ZNF611: variants seen among roughly 807,000 people sequenced by gnomAD.
ZNF611 encodes the protein zinc finger protein 611.
Under a neutral mutation model 8.9 loss-of-function variants are expected in ZNF611, and 6 were observed. The ratio of observed to expected loss-of-function variants is 0.68; its 90% CI spans 0.37 to 1.34. The LOEUF is 1.34. Among genes scored for constraint, ZNF611 ranks in the 40% most tolerant of loss-of-function variants. The probability of loss-of-function intolerance (pLI) is 0.02; values close to 1 mark genes in which losing one functional copy is unlikely to be tolerated. For synonymous variants in ZNF611, 262 were observed against 279.7 expected, an observed-to-expected ratio of 0.94 and a Z score of 0.63; for missense variants, 874 against 841.3, an observed-to-expected ratio of 1.04 and a Z score of -0.48.
At position 52,727,396 on chromosome 19, in the gene ZNF611, CAT is replaced by C. The variant is rs368291935; in HGVS notation, c.-20+1332_-20+1333del. ...CTGTTACTATACAACCCATTTAGTACATGTTTTCAAGATAAACACTAATCAGT... is the reference window on the plus strand; with the variant it reads ...CTGTTACTATACAACCCATTTAGTACGTTTTCAAGATAAACACTAATCAGT... On this transcript the variant is annotated intron_variant, in intron 3 of 5. Coordinates refer to ENST00000652185, the MANE Select transcript of ZNF611 (RefSeq NM_001161499.2). Among the ~76,000 whole-genome samples the C allele has an allele frequency of 1.7e-3, 266 of 152,244 alleles. 1 individual carries two copies. Among genetic ancestry groups the C allele is most frequent in the African/African-American group, 6.2e-3 (258 of 41,534 alleles).
rs1281277949 is a variant in ZNF611 at position 52,702,957 on chromosome 19, A to AC, written c.*1979_*1980insG. 6.6e-6 allele frequency: 1 copy of AC among 152,212 alleles called. No individual in the cohort carries two copies. Among genetic ancestry groups the AC allele is most frequent in the Non-Finnish European group, 1.5e-5 (1 of 68,042 alleles). The allele number at this position is 152,212 out of a possible 1,614,324, so 9.4% of individuals were successfully genotyped here. The stretch of plus-strand genomic sequence containing the variant: ...GCATGCAGACATTGATATGAACTGG[A>AC]TGCAACTAATTTAAAACAGCAACTA... On this transcript the variant is annotated 3_prime_UTR_variant, in exon 6 of 6. Coordinates refer to ENST00000652185, the MANE Select transcript of ZNF611 (RefSeq NM_001161499.2).
chr19:52,705,654 T>G lies in ZNF611; in HGVS notation c.1401A>C (p.Ser467=), dbSNP rs1366949787. 1.4e-5 allele frequency: 22 copies of G among 1,613,108 alleles called. No homozygotes were observed. The highest frequency in any genetic ancestry group is 1.7e-5 in the Non-Finnish European group (20 of 1,179,714). Residue 467 remains serine, a synonymous_variant, in exon 6 of 6, where the codon TCA becomes TCC. Coordinates refer to ENST00000652185, the MANE Select transcript of ZNF611 (RefSeq NM_001161499.2). ...CAATTCTAGTATGTTTTGCCAGTTG[T>G]GAACTCCACACAAAAGCCTTGTCAC... is the stretch of plus-strand genomic sequence containing the variant. ...KVCDKAFVWS[S]QLAKHTRIDC...
chr19:52,733,971 C>G (rs910365266), intron 1 of ZNF611, among the ~76,000 whole-genome samples: 17 of 151,234 alleles, frequency 1.1e-4, no homozygotes, highest in South Asian at 4.2e-4. Flanking sequence ...CAGATCCCAG[C>G]TGTCCTCTCT....
intron 3 of ZNF611, among the ~76,000 whole-genome samples, chr19:52,726,395 G>A (rs573884114): frequency 2.0e-4 from 31 of 152,168 alleles, no homozygotes; most frequent in Middle Eastern, 3.4e-3. Flanking sequence ...TCTCTCTCGC[G>A]CGCTCTTTTT....
intron 5 of ZNF611, among the ~76,000 whole-genome samples, chr19:52,707,214 T>A (rs760870629): frequency 2.0e-5 from 3 of 150,364 alleles, no homozygotes; most frequent in Non-Finnish European, 2.9e-5. Context: ...TATATACTCT[T>A]CATATTTAAA....
chr19:52,712,526 CTACTT>C (rs1377229706), intron 5 of ZNF611, among the ~76,000 whole-genome samples: 1 of 144,568 alleles, frequency 6.9e-6, no homozygotes, highest in Non-Finnish European at 1.5e-5. Flanking sequence ...ATGACCCCAG[CTACTT>C]AGGAGGCTGA....
At chr19:52,716,696 A>G (rs1346324140) in intron 3 of ZNF611, among the ~76,000 whole-genome samples, 2 of 152,156 alleles carry the variant, frequency 1.3e-5, no homozygotes, top group Non-Finnish European at 1.5e-5. Context: ...CCTTCTATTC[A>G]AAGTCATCCC....
chr19:52,705,839 C>A lies in ZNF611; in HGVS notation c.1216G>T (p.Ala406Ser). The A allele has an allele frequency of 1.9e-6, 3 of 1,613,902 alleles. No homozygotes were observed. The highest frequency in any genetic ancestry group is 2.5e-6 in the Non-Finnish European group (3 of 1,179,970). Residue 406 changes from alanine to serine, a missense_variant, in exon 6 of 6, where the codon GCT becomes TCT. Transcript: ENST00000652185. Reference protein sequence around the residue: ...KPYRCKVCDTAFTWHSQLARH... With the variant: ...KPYRCKVCDTSFTWHSQLARH... ...GCCAGCTGTGAATGCCACGTGAAAG[C>A]TGTGTCACAAACCTTACATCTGTAT...
At chr19:52,722,587 T>C (rs188754809) in intron 3 of ZNF611, among the ~76,000 whole-genome samples, 2 of 152,286 alleles carry the variant, frequency 1.3e-5, no homozygotes, top group South Asian at 2.1e-4. Context: ...ATTTATAGAA[T>C]GTACATGACT....
At position 52,715,826 on chromosome 19, in the gene ZNF611, C is replaced by T. The variant is rs1376714533; in HGVS notation, c.63+6G>A. The T allele has an allele frequency of 1.2e-6, 2 of 1,611,334 alleles. No homozygotes were observed. The highest frequency in any genetic ancestry group is 2.7e-5 in the African/African-American group (2 of 74,938). The stretch of plus-strand genomic sequence containing the variant: ...CAGATTAATCCACAGAGGAATATCA[C>T]TTCACCTGAGGAAGAGCCATGCCTG... On this transcript the variant is annotated splice_donor_region_variant and intron_variant, in intron 4 of 5. Coordinates refer to ENST00000652185, the MANE Select transcript of ZNF611 (RefSeq NM_001161499.2).
At position 52,722,339 on chromosome 19, in the gene ZNF611, G is replaced by A. The variant is rs565812650; in HGVS notation, c.-20+6391C>T. Among the ~76,000 whole-genome samples, 45 of 152,238 alleles carry A rather than the reference G, an allele frequency of 3.0e-4. 1 individual carries two copies. The East Asian group carries it at 6.9e-3, about 23-fold the overall frequency. On this transcript the variant is annotated intron_variant, in intron 3 of 5. Coordinates refer to ENST00000652185, the MANE Select transcript of ZNF611 (RefSeq NM_001161499.2). ...CGAGGCTGCAGTTAGAGTAGATAAC[G>A]CCATTGTACTCCAGCCTGGGCAATA...
intron 1 of ZNF611, among the ~76,000 whole-genome samples, chr19:52,733,505 T>A (rs2062438097): frequency 6.6e-6 from 1 of 151,582 alleles, no homozygotes; most frequent in South Asian, 2.1e-4. Context: ...TCTCACTATG[T>A]TGCCCAAGCT....
At chr19:52,708,402 G>A (rs10425042) in intron 5 of ZNF611, 60,706 of 152,084 alleles carry the variant, frequency 0.4, 12,283 homozygotes, top group African/African-American at 0.45. Context: ...GGAAGCTGAG[G>A]CAGGAGAATG....
At chr19:52,733,550 C>T (rs947035329) in intron 1 of ZNF611, among the ~76,000 whole-genome samples, 1 of 133,690 alleles carries the variant, frequency 7.5e-6, no homozygotes, top group African/African-American at 2.9e-5. Context: ...AATCCCCTTG[C>T]CTCAGTCTCC....
chr19:52,719,356 C>G (rs113115281), intron 3 of ZNF611, among the ~76,000 whole-genome samples: 7,118 of 151,852 alleles, frequency 0.047, 369 homozygotes, highest in African/African-American at 0.13. Context: ...CCCCACTCCC[C>G]ACCCCAGCCA....
rs548016008 is a variant in ZNF611 at position 52,724,867 on chromosome 19, G to A, written c.-20+3863C>T. ...TCTCCCTATCTTGTCCTTCATCTCT[G>A]TACATCTAGCTCTTCTCTACATTTC... On this transcript the variant is annotated intron_variant, in intron 3 of 5. Transcript: ENST00000652185. Among the ~76,000 whole-genome samples the A allele has an allele frequency of 2.0e-5, 3 of 152,126 alleles. No homozygotes were observed. The East Asian group carries it at 5.8e-4, about 29-fold the overall frequency.
chr19:52,724,303 T>G (rs2147441857), intron 3 of ZNF611: 1 of 152,382 alleles, frequency 6.6e-6, no homozygotes, highest in South Asian at 2.1e-4. Flanking sequence ...TGGCGATGAC[T>G]TTTACCAAGC....
At chr19:52,716,540 G>A (rs1034746889) in intron 3 of ZNF611, among the ~76,000 whole-genome samples, 5 of 152,162 alleles carry the variant, frequency 3.3e-5, no homozygotes, top group African/African-American at 7.2e-5. Context: ...GATGACAAAG[G>A]CACAAAAATA....
intron 5 of ZNF611, among the ~76,000 whole-genome samples, chr19:52,712,576 T>C (rs1249189448): frequency 2.0e-5 from 3 of 148,614 alleles, no homozygotes; most frequent in African/African-American, 7.5e-5. Context: ...AGGCAGAGGT[T>C]GCAGTAAGCT....
Sources: allele counts gnomAD v4.1 joint callset (sites outside exome capture counted in the v4.1 genomes callset), GRCh38; gene constraint gnomAD v4.1.1; transcripts MANE v1.5; gene names NCBI Gene and HGNC (gene_info 2026-07-23, HGNC 2026-07-21).